Variants in KCMF1 observed in about 807,000 individuals in gnomAD.
KCMF1 encodes the protein E3 ubiquitin-protein ligase KCMF1.
KCMF1 carries 3 observed loss-of-function variants against 41.1 expected under a neutral mutation model. The ratio of observed to expected loss-of-function variants is 0.07; its 90% CI spans 0.03 to 0.19. The LOEUF (loss-of-function observed/expected upper bound fraction) is 0.19, where lower values mean the gene tolerates loss of function less well. Ranked by LOEUF, KCMF1 falls within the 10% of genes least tolerant of loss-of-function variation. The pLI is 1.00. For synonymous variants in KCMF1, 142 were observed against 164.5 expected, an observed-to-expected ratio of 0.86 and a Z score of 1.04; for missense variants, 286 against 488.9, an observed-to-expected ratio of 0.58 and a Z score of 3.91.
intron 2 of KCMF1, among the ~76,000 whole-genome samples, chr2:85,029,871 GAC>G (rs1417363988): frequency 8.6e-5 from 13 of 151,696 alleles, no homozygotes; most frequent in Non-Finnish European, 1.5e-4. Flanking sequence ...TTTTAATAGA[GAC>G]AGGGTTTCAC....
At chr2:84,977,464 C>T (rs952765256) in intron 1 of KCMF1, among the ~76,000 whole-genome samples, 2 of 152,190 alleles carry the variant, frequency 1.3e-5, no homozygotes, top group Admixed American at 6.5e-5. Flanking sequence ...GACAGGGTCT[C>T]TGTCGCCCAT....
chr2:85,020,370 T>TC (rs1217308948), intron 1 of KCMF1, among the ~76,000 whole-genome samples: 2 of 152,134 alleles, frequency 1.3e-5, no homozygotes, highest in Non-Finnish European at 2.9e-5. Context: ...CATAGGTATC[T>TC]CCCCCCATTG....
At chr2:85,011,004 C>T (rs114462151) in intron 1 of KCMF1, among the ~76,000 whole-genome samples, 10,043 of 152,104 alleles carry the variant, frequency 0.066, 580 homozygotes, top group East Asian at 0.34. Context: ...CCACCACGCC[C>T]AGCCAATTTT....
At chr2:85,024,208 G>A (rs1398035912) in intron 1 of KCMF1, among the ~76,000 whole-genome samples, 9 of 152,210 alleles carry the variant, frequency 5.9e-5, no homozygotes, top group African/African-American at 1.4e-4. Context: ...CGAGCGTGGT[G>A]GCTCACGCCT....
At chr2:85,019,397 A>G (rs1190866799) in intron 1 of KCMF1, among the ~76,000 whole-genome samples, 4 of 152,228 alleles carry the variant, frequency 2.6e-5, no homozygotes, top group Non-Finnish European at 4.4e-5. Flanking sequence ...AGAAACTGAA[A>G]AAGCCTGTGC....
At chr2:85,029,588 G>A (rs1675211013) in intron 2 of KCMF1, among the ~76,000 whole-genome samples, 2 of 143,042 alleles carry the variant, frequency 1.4e-5, no homozygotes, top group African/African-American at 2.6e-5. Flanking sequence ...AACAAAGCAA[G>A]ACGCTATCTC....
Position 85,053,401 on chromosome 2 carries a change from C to T in KCMF1, c.1138C>T (p.Pro380Ser), listed in dbSNP as rs1259888385. The change falls in exon 7 of 7, where the codon CCT becomes TCT. Residue 380 changes from proline to serine, a missense_variant. This residue lies in a region of KCMF1 where 191 missense variants were observed against 279.3 expected (regional missense o/e 0.68). Coordinates refer to ENST00000409785, the MANE Select transcript of KCMF1 (RefSeq NM_020122.5). The part of the protein sequence containing the change: ...SNKGNEPPPP[P>S]L Reference sequence around the variant, plus strand: ...TAAAGGAAATGAGCCTCCACCACCTCCTCTTTGATGACATCCCAATTCGCA... The same window carrying T: ...TAAAGGAAATGAGCCTCCACCACCTTCTCTTTGATGACATCCCAATTCGCA... The T allele has an allele frequency of 1.9e-6, 3 of 1,611,650 alleles. No homozygotes were observed. Among genetic ancestry groups the T allele is most frequent in the African/African-American group, 2.7e-5 (2 of 74,784 alleles).
At chr2:85,037,285 C>A (rs1382954262) in intron 3 of KCMF1, among the ~76,000 whole-genome samples, 1 of 152,116 alleles carries the variant, frequency 6.6e-6, no homozygotes, top group South Asian at 2.1e-4. Context: ...CCCACCCATA[C>A]ACCTAGACAT....
intron 1 of KCMF1, among the ~76,000 whole-genome samples, chr2:84,986,445 A>G (rs1192148168): frequency 6.6e-6 from 1 of 152,174 alleles, no homozygotes; most frequent in Non-Finnish European, 1.5e-5. Context: ...GGATCCGCCA[A>G]GTGAGAGAAT....
At chr2:85,031,955 G>A (rs1350717719) in intron 2 of KCMF1, among the ~76,000 whole-genome samples, 3 of 152,128 alleles carry the variant, frequency 2.0e-5, no homozygotes, top group Admixed American at 1.3e-4. Context: ...GTAAAGGCTT[G>A]TCTCAAACTC....
intron 1 of KCMF1, among the ~76,000 whole-genome samples, chr2:85,021,338 C>T (rs1411542442): frequency 1.3e-5 from 2 of 152,124 alleles, no homozygotes; most frequent in African/African-American, 4.8e-5. Flanking sequence ...AATAATCTTA[C>T]TGCAGCCGGG....
At position 84,996,430 on chromosome 2, in the gene KCMF1, A is replaced by ATTTTTTT. The variant is rs869089697; in HGVS notation, c.16+24979_16+24985dup. Among the ~76,000 whole-genome samples the ATTTTTTT allele has an allele frequency of 2.0e-3, 254 of 124,042 alleles. 8 individuals carry two copies. The highest frequency in any genetic ancestry group is 8.0e-3 in the African/African-American group (241 of 30,268). The allele number at this position is 124,042 out of a possible 152,430, so 81.4% of individuals were successfully genotyped here. ...ATACTTTATACCTAAATAACCTAAGATTTTTTTTTTTTTTTTTTTTTTGAG... is the reference window on the plus strand; with the variant it reads ...ATACTTTATACCTAAATAACCTAAGATTTTTTTTTTTTTTTTTTTTTTTTTTTTTGAG... On this transcript the variant is annotated intron_variant, in intron 1 of 6. Transcript: ENST00000409785.
intron 1 of KCMF1, among the ~76,000 whole-genome samples, chr2:85,026,492 A>ATTATTT (rs1553381470): frequency 1.0e-3 from 150 of 143,140 alleles, no homozygotes; most frequent in African/African-American, 2.5e-3. Flanking sequence ...TATTATTATT[A>ATTATTT]TTATTTTTAT....
At chr2:85,041,219 T>C (rs545804116) in intron 3 of KCMF1, among the ~76,000 whole-genome samples, 1 of 152,324 alleles carries the variant, frequency 6.6e-6, no homozygotes, top group African/African-American at 2.4e-5. Context: ...CAGTTCTGAA[T>C]ACCTTCATCC....
chr2:84,978,178 G>A (rs1673599831), intron 1 of KCMF1, among the ~76,000 whole-genome samples: 1 of 151,736 alleles, frequency 6.6e-6, no homozygotes, highest in Non-Finnish European at 1.5e-5. Flanking sequence ...TGTATTTTTA[G>A]TAGATAGAGG....
intron 5 of KCMF1, among the ~76,000 whole-genome samples, chr2:85,046,882 G>T (rs1675678016): frequency 6.6e-6 from 1 of 152,064 alleles, no homozygotes; most frequent in Non-Finnish European, 1.5e-5. Context: ...GTGAGTACAG[G>T]ACAATAAGAT....
At chr2:84,974,682 TA>T in intron 1 of KCMF1, among the ~76,000 whole-genome samples, 7 of 46,112 alleles carry the variant, frequency 1.5e-4, no homozygotes, top group Non-Finnish European at 2.4e-4. Flanking sequence ...TATATATATA[TA>T]TATATATATT....
chr2:84,971,493 G>T (rs552044062), intron 1 of KCMF1, 26 bp downstream of exon 1: 2 of 1,206,244 alleles, frequency 1.7e-6, no homozygotes, highest in Non-Finnish European at 2.1e-6. Flanking sequence ...GCCCCCACCC[G>T]CACCTCCCGG....
intron 1 of KCMF1, among the ~76,000 whole-genome samples, chr2:85,006,552 G>T (rs185975328): frequency 8.7e-4 from 132 of 151,520 alleles, no homozygotes; most frequent in African/African-American, 3.1e-3. Flanking sequence ...CACCACCTTG[G>T]TCTCCCAAAG....
Sources: allele counts gnomAD v4.1 joint callset (sites outside exome capture counted in the v4.1 genomes callset), GRCh38; gene constraint gnomAD v4.1.1; regional missense constraint gnomAD v4.1.1; transcripts MANE v1.5; gene names NCBI Gene and HGNC (gene_info 2026-07-23, HGNC 2026-07-21).